Variants in RYR1 observed in about 807,000 individuals in gnomAD.
RYR1 encodes central core disease of muscle.
A neutral mutation model predicts 583.5 loss-of-function variants in RYR1; 342 were observed. That is an observed-to-expected ratio of 0.59 (90% confidence interval 0.54 to 0.64). The LOEUF is 0.64. Among genes scored for constraint, RYR1 ranks in the 30% least tolerant of loss-of-function variants. The pLI is 0.00. For missense variants in RYR1, 6,032 were observed against 6,917.2 expected, an observed-to-expected ratio of 0.87 and a Z score of 4.54; for synonymous variants, 2,791 against 2,822.5, an observed-to-expected ratio of 0.99 and a Z score of 0.35.
rs7254175 is a variant in RYR1, at chr19:38,580,617, C to T, written c.14646+113C>T. 0.048 allele frequency: 65,027 copies of T among 1,362,180 alleles called. 4,788 individuals are homozygous for T. The highest frequency in any genetic ancestry group is 0.3 in the African/African-American group (20,723 of 69,906). The allele number at this position is 1,362,180 out of a possible 1,614,324, so 84.4% of individuals were successfully genotyped here. On this transcript the variant is annotated intron_variant, in intron 101 of 105. Coordinates refer to ENST00000359596, the MANE Select transcript of RYR1 (RefSeq NM_000540.3). ...CCTCCAGCCTGCAATCCCAGTGCGT[C>T]GGGAGGCCGAGGCGGGACGATTACT...
chr19:38,522,978 C>T (rs777026019), intron 67 of RYR1, 50 bp from the exon 68 acceptor site: 1 of 1,458,504 alleles, frequency 6.9e-7, no homozygotes, highest in South Asian at 1.2e-5. Context: ...GGGCAGCCCC[C>T]TTCCCTGGGA....
intron 60 of RYR1, among the ~76,000 whole-genome samples, chr19:38,511,035 C>A (rs1305412876): frequency 6.6e-6 from 1 of 152,180 alleles, no homozygotes; most frequent in Non-Finnish European, 1.5e-5. Flanking sequence ...GTGGCTCATG[C>A]CTGTAATTCC....
At chr19:38,511,721 C>T (rs2145659794) in intron 61 of RYR1, 111 bp downstream of exon 61, 1 of 1,309,046 alleles carries the variant, frequency 7.6e-7, no homozygotes, top group Non-Finnish European at 1.1e-6. Context: ...GTTTTCTTCC[C>T]CTGGACCTGG....
In RYR1 at chr19:38,544,042, C is replaced by G. The variant is rs186000941; in HGVS notation, c.12012+167C>G. On this transcript the variant is annotated intron_variant, in intron 87 of 105. Coordinates refer to ENST00000359596, the MANE Select transcript of RYR1 (RefSeq NM_000540.3). ...ATCCTCTTTCTGGATTGGCTGTCTG[C>G]ATGACCCCGCCTCCTCCTCTGCCCC... 2.9e-3 allele frequency among the ~76,000 whole-genome samples: 448 copies of G among 152,304 alleles called. 2 individuals carry two copies. Among genetic ancestry groups the G allele is most frequent in the African/African-American group, 0.011 (442 of 41,552 alleles).
chr19:38,533,629 T>G (rs1971836042), intron 78 of RYR1, among the ~76,000 whole-genome samples: 1 of 151,810 alleles, frequency 6.6e-6, no homozygotes. Flanking sequence ...CCATCTCTAC[T>G]AAAAATACAA....
Position 38,510,565 on chromosome 19 carries a change from G to A in RYR1, c.9000G>A (p.Lys3000=). 1 of 1,614,126 alleles carries A rather than the reference G, an allele frequency of 6.2e-7. No individual in the cohort carries two copies. The highest frequency in any genetic ancestry group is 8.5e-7 in the Non-Finnish European group (1 of 1,180,034). The part of the protein sequence containing the change: ...PHEQEIKFFA[K]ILLPLINQYF... ...AACAGGAGATTAAATTCTTTGCCAA[G>A]GTGAGAGGTGGGCTTAGAAGCTGGA... The change falls in exon 59 of 106, where the codon AAG becomes AAA. Residue 3000 remains lysine (K), a splice_region_variant and synonymous_variant. Transcript: ENST00000359596.
intron 42 of RYR1, among the ~76,000 whole-genome samples, chr19:38,497,896 G>A (rs1239872732): frequency 1.3e-5 from 2 of 152,048 alleles, no homozygotes; most frequent in Non-Finnish European, 2.9e-5. Flanking sequence ...ATTTGATAGA[G>A]CCTGCGAGGC....
rs1970895777 is a variant in RYR1 at position 38,515,022 on chromosome 19, T to A, written c.9473-4T>A. 1 of 1,610,806 alleles carries A rather than the reference T, an allele frequency of 6.2e-7. No individual in the cohort carries two copies. Among genetic ancestry groups the A allele is most frequent in the African/African-American group, 1.3e-5 (1 of 74,748 alleles). ...GCCGCAGCCTCGCCCCCTGTCTCCCTCAGTGGACGACGTCCAGGTCTCTTG... is the reference window on the plus strand; with the variant it reads ...GCCGCAGCCTCGCCCCCTGTCTCCCACAGTGGACGACGTCCAGGTCTCTTG... On this transcript the variant is annotated splice_polypyrimidine_tract_variant and splice_region_variant and intron_variant, in intron 63 of 105. Transcript: ENST00000359596.
rs777159415 is a variant in RYR1 at position 38,499,833 on chromosome 19, G to A, written c.7214+12G>A. 5.0e-6 allele frequency: 8 copies of A among 1,608,866 alleles called. No homozygotes were observed. The highest frequency in any genetic ancestry group is 2.7e-5 in the African/African-American group (2 of 74,812). On this transcript the variant is annotated intron_variant, in intron 44 of 105. Coordinates refer to ENST00000359596, the MANE Select transcript of RYR1 (RefSeq NM_000540.3). This position sits in a 1 kb window ranked among gnomAD's most constrained non-coding sequence, Gnocchi z 7.3. ...CGGCGGCGCGAGCAGTGAGTCTCCC[G>A]GCCCCCTCCTCAATAGGGCAACCCG...
At position 38,492,478 on chromosome 19, in the gene RYR1, G is replaced by A. The variant is rs892867366; in HGVS notation, c.6128-12G>A. The A allele has an allele frequency of 6.2e-7, 1 of 1,613,314 alleles. No individual in the cohort carries two copies. Among genetic ancestry groups the A allele is most frequent in the African/African-American group, 1.3e-5 (1 of 74,834 alleles). ...AATGAATGACATTTCCCGCCTTCTT[G>A]ACCACTTCCAGGAATTCAGCTAGAT... is the stretch of plus-strand genomic sequence containing the variant. On this transcript the variant is annotated splice_polypyrimidine_tract_variant and intron_variant, in intron 37 of 105. Coordinates refer to ENST00000359596, the MANE Select transcript of RYR1 (RefSeq NM_000540.3).
At chr19:38,549,540 T>C (rs1972571269) in intron 89 of RYR1, among the ~76,000 whole-genome samples, 1 of 152,124 alleles carries the variant, frequency 6.6e-6, no homozygotes, top group Non-Finnish European at 1.5e-5. Flanking sequence ...CTCCCTGATC[T>C]TTAATGTTAC....
chr19:38,520,693 C>CAAAAAAAAA (rs71165555), intron 67 of RYR1, among the ~76,000 whole-genome samples: 21 of 46,898 alleles, frequency 4.5e-4, no homozygotes, highest in African/African-American at 1.2e-3. Context: ...GGCTCCACCT[C>CAAAAAAAAA]AAAAAAAAAA....
At chr19:38,488,971 G>A (rs1232367361) in intron 34 of RYR1, among the ~76,000 whole-genome samples, 1 of 152,206 alleles carries the variant, frequency 6.6e-6, no homozygotes, top group Non-Finnish European at 1.5e-5. Flanking sequence ...GGGCTGTGTG[G>A]GTGGGACACA....
intron 27 of RYR1, among the ~76,000 whole-genome samples, chr19:38,469,945 A>G (rs911666751): frequency 2.6e-5 from 4 of 152,114 alleles, no homozygotes; most frequent in African/African-American, 9.7e-5. Flanking sequence ...TAGTATGCAC[A>G]TATAGCCCTA....
Position 38,565,054 on chromosome 19 carries a change from C to A in RYR1, c.12720C>A (p.Thr4240=). The A allele has an allele frequency of 6.4e-7, 1 of 1,572,334 alleles. No homozygotes were observed. Among genetic ancestry groups the A allele is most frequent in the East Asian group, 2.3e-5 (1 of 42,866 alleles). The change falls in exon 91 of 106, where the codon ACC becomes ACA. Residue 4240 remains threonine (T), a synonymous_variant. Coordinates refer to ENST00000359596, the MANE Select transcript of RYR1 (RefSeq NM_000540.3). This position sits in a 1 kb window ranked among gnomAD's most constrained non-coding sequence, Gnocchi z 4.7. ...MELFVSFCED[T]IFEMQIAAQI... is the part of the protein sequence containing the mutation. ...TCTTCGTGAGTTTCTGCGAGGACAC[C>A]ATCTTCGAGATGCAGATCGCCGCGC...
Position 38,448,422 on chromosome 19 carries a change from C to T in RYR1, c.868C>T (p.Leu290=), listed in dbSNP as rs756969591. Residue 290 remains leucine (L), a synonymous_variant, in exon 10 of 106, where the codon CTA becomes TTA. Coordinates refer to ENST00000359596, the MANE Select transcript of RYR1 (RefSeq NM_000540.3). ...RVRHVTTGQY[L]ALTEDQGLVV... ...CCGGCATGTCACTACCGGGCAGTAC[C>T]TAGCGCTCACCGAGGACCAGGGCCT... The T allele has an allele frequency of 1.4e-5, 23 of 1,613,412 alleles. No individual in the cohort carries two copies. The highest frequency in any genetic ancestry group is 1.9e-5 in the Non-Finnish European group (23 of 1,180,028).
chr19:38,506,668 A>G, intron 56 of RYR1, 122 bp downstream of exon 56: 1 of 1,478,850 alleles, frequency 6.8e-7, no homozygotes. Context: ...AACAGCGTTT[A>G]CCACCATGGG....
intron 1 of RYR1, among the ~76,000 whole-genome samples, chr19:38,436,860 G>C (rs1311037527): frequency 6.6e-6 from 1 of 151,970 alleles, no homozygotes; most frequent in African/African-American, 2.4e-5. Context: ...TCCCTTTGGT[G>C]GGTGGTGACC....
At position 38,565,529 on chromosome 19, in the gene RYR1, C is replaced by T; in HGVS notation, c.13195C>T (p.Pro4399Ser). 5 of 1,502,916 alleles carry T rather than the reference C, an allele frequency of 3.3e-6. No homozygotes were observed. Among genetic ancestry groups the T allele is most frequent in the Non-Finnish European group, 4.4e-6 (5 of 1,133,396 alleles). 93.1% of individuals were successfully genotyped at this position (1,502,916 alleles called of 1,614,324 possible). A position where few individuals can be genotyped will look rare whatever the true frequency, so the allele number is the denominator to read the frequency against. Reference sequence around the variant, plus strand: ...GGTGCACGGCGAGCAGCCGGCCGGGCCGGGCGGAGACGCAGACGGCGAGGG... The same window carrying T: ...GGTGCACGGCGAGCAGCCGGCCGGGTCGGGCGGAGACGCAGACGGCGAGGG... ...DEVHGEQPAG[P>S]GGDADGEGAS... Residue 4399 changes from proline (P) to serine (S), a missense_variant, in exon 91 of 106, where the codon CCG (proline) becomes TCG (serine). Transcript: ENST00000359596. This position sits in a 1 kb window ranked among gnomAD's most constrained non-coding sequence, Gnocchi z 4.7.
Sources: gnomAD v4.1 joint callset for allele counts (sites outside exome capture counted in the v4.1 genomes callset) on GRCh38, gnomAD v4.1.1 for gene constraint, Gnocchi (gnomAD v3.1) non-coding constraint, MANE v1.5 for transcripts, NCBI Gene and HGNC (gene_info 2026-07-23, HGNC 2026-07-21) for gene names.